FBXO36: variants seen among roughly 807,000 people sequenced by gnomAD.
FBXO36 encodes the protein F-box only protein 36.
Under a neutral mutation model 17.0 loss-of-function variants are expected in FBXO36, and 18 were observed. The observed-to-expected ratio is 1.06, with a 90% CI of 0.73 to 1.57. The LOEUF is 1.57. FBXO36 is among the 40% of genes most tolerant of loss of function. The probability of loss-of-function intolerance (pLI) is 0.00; values close to 1 mark genes in which losing one functional copy is unlikely to be tolerated. For missense variants in FBXO36, 229 were observed against 221.9 expected (o/e 1.03, Z -0.20); for synonymous variants, 83 against 85.3 (o/e 0.97, Z 0.15).
rs570378222 is a variant in FBXO36 at position 229,952,004 on chromosome 2, G to T, written c.97-24237G>T. Among the ~76,000 whole-genome samples, 103 of 152,128 alleles carry T rather than the reference G, an allele frequency of 6.8e-4. 1 individual carries two copies. The highest frequency in any genetic ancestry group is 2.4e-3 in the African/African-American group (98 of 41,518). On this transcript the variant is annotated intron_variant, in intron 1 of 3. Coordinates refer to ENST00000283946, the MANE Select transcript of FBXO36 (RefSeq NM_174899.5). ...TATAACTTGGTGAAAAAAAAATTTT[G>T]CATGAAATGTTTTATTTAAACTTTT...
At chr2:229,968,260 C>T (rs1199755946) in intron 1 of FBXO36, among the ~76,000 whole-genome samples, 2 of 151,984 alleles carry the variant, frequency 1.3e-5, no homozygotes, top group Non-Finnish European at 2.9e-5. Context: ...ACTTTCAACA[C>T]ACAACTTACA....
At chr2:229,951,466 ACTC>A (rs756352824) in intron 1 of FBXO36, among the ~76,000 whole-genome samples, 100 of 142,340 alleles carry the variant, frequency 7.0e-4, no homozygotes, top group Non-Finnish European at 1.3e-3. Context: ...CTGGTCTTGA[ACTC>A]CTCATCTCAG....
chr2:229,976,127 G>T, intron 1 of FBXO36, 114 bp from the exon 2 acceptor site: 1 of 655,014 alleles, frequency 1.5e-6, no homozygotes. Context: ...AGACTGCAAA[G>T]TTATAGCTAA....
In FBXO36 at chr2:230,010,718, G is replaced by A. The variant is rs772081678; in HGVS notation, c.401G>A (p.Trp134Ter). 2.4e-5 allele frequency: 39 copies of A among 1,612,314 alleles called. No homozygotes were observed. The highest frequency in any genetic ancestry group is 8.3e-5 in the Admixed American group (5 of 59,902). Residue 134 changes from tryptophan to a stop codon, truncating the protein, a stop_gained, in exon 4 of 4, where the codon TGG becomes TAG. Transcript: ENST00000283946. LOFTEE classifies it low-confidence loss of function (END_TRUNC). ...FAKLCMSDKL[W>*]EQIVQSTCDT... ...CAGCTGTGCATGTCTGATAAACTGT[G>A]GGAACAGATAGTCCAGTCGACCTGC...
chr2:229,996,005 G>A (rs1455033306), intron 2 of FBXO36, among the ~76,000 whole-genome samples: 2 of 151,900 alleles, frequency 1.3e-5, no homozygotes, highest in South Asian at 4.1e-4. Context: ...GCTGGGTGTG[G>A]TGTCTCATGC....
chr2:229,922,722 A>G, intron 1 of FBXO36, 113 bp downstream of exon 1: 1 of 1,084,282 alleles, frequency 9.2e-7, no homozygotes, highest in Non-Finnish European at 1.3e-6. Flanking sequence ...GGAAGCGCCC[A>G]GTCCCGGCTC....
chr2:229,924,574 GTATTT>G (rs1324449700), intron 1 of FBXO36, among the ~76,000 whole-genome samples: 1 of 152,038 alleles, frequency 6.6e-6, no homozygotes, highest in African/African-American at 2.4e-5. Context: ...TGAAGGTCTG[GTATTT>G]TACAAGTATG....
At chr2:229,929,087 C>G (rs2076926283) in intron 1 of FBXO36, among the ~76,000 whole-genome samples, 1 of 151,648 alleles carries the variant, frequency 6.6e-6, no homozygotes, top group Non-Finnish European at 1.5e-5. Context: ...GCATGTACCA[C>G]CCCGCCCGGC....
intron 1 of FBXO36, chr2:229,939,305 T>G: frequency 1.0e-6 from 1 of 976,662 alleles, no homozygotes; most frequent in South Asian, 4.7e-5. Flanking sequence ...TTTCTTGCCC[T>G]ATTTTACATT....
chr2:229,987,826 G>T (rs939534970), intron 2 of FBXO36, among the ~76,000 whole-genome samples: 2 of 151,930 alleles, frequency 1.3e-5, no homozygotes, highest in Non-Finnish European at 2.9e-5. Flanking sequence ...TCACTATGGT[G>T]CGCAGGCTGG....
intron 1 of FBXO36, among the ~76,000 whole-genome samples, chr2:229,963,444 CT>C (rs757351541): frequency 0.023 from 2,932 of 129,176 alleles, 47 homozygotes; most frequent in African/African-American, 0.057. Context: ...TTTCTTTTTT[CT>C]TTTTTTTTTT....
At chr2:230,010,615 A>C (rs1577369139) in intron 3 of FBXO36, 81 bp from the exon 4 acceptor site, 1 of 1,295,914 alleles carries the variant, frequency 7.7e-7, no homozygotes, top group Non-Finnish European at 1.1e-6. Flanking sequence ...GTGTTTCTCC[A>C]GTGTCCCACA....
chr2:229,985,328 A>C (rs1037899819), intron 2 of FBXO36, among the ~76,000 whole-genome samples: 1 of 152,166 alleles, frequency 6.6e-6, no homozygotes, highest in Admixed American at 6.6e-5. Flanking sequence ...CTGCTGTGTT[A>C]ATTATACTCC....
At chr2:229,971,991 C>CT (rs918029152) in intron 1 of FBXO36, among the ~76,000 whole-genome samples, 2,770 of 104,040 alleles carry the variant, frequency 0.027, 129 homozygotes, top group African/African-American at 0.069. Flanking sequence ...GTATCCAATT[C>CT]TTTTTTTTTT....
At chr2:229,983,555 C>T (rs1477239692) in intron 2 of FBXO36, among the ~76,000 whole-genome samples, 1 of 152,162 alleles carries the variant, frequency 6.6e-6, no homozygotes, top group Non-Finnish European at 1.5e-5. Context: ...ATCCTACCTG[C>T]CTTGGCATCC....
rs1013451624 is a variant in FBXO36 at position 229,976,223 on chromosome 2, C to T, written c.97-18C>T. On this transcript the variant is annotated intron_variant, in intron 1 of 3. Coordinates refer to ENST00000283946, the MANE Select transcript of FBXO36 (RefSeq NM_174899.5). ...TTGAAATCAATTTTAATTCATATCACTTTGTATTTAATTATAGGTAATCTT... is the reference window on the plus strand; with the variant it reads ...TTGAAATCAATTTTAATTCATATCATTTTGTATTTAATTATAGGTAATCTT... The T allele has an allele frequency of 1.9e-6, 3 of 1,554,816 alleles. No individual in the cohort carries two copies. The highest frequency in any genetic ancestry group is 2.6e-6 in the Non-Finnish European group (3 of 1,144,258).
intron 1 of FBXO36, among the ~76,000 whole-genome samples, chr2:229,963,676 C>T (rs1490136635): frequency 6.6e-6 from 1 of 151,940 alleles, no homozygotes; most frequent in Non-Finnish European, 1.5e-5. Flanking sequence ...GATCTCCTGA[C>T]CTTGTGATCT....
In FBXO36 at chr2:229,989,999, T is replaced by C. The variant is rs1009446606; in HGVS notation, c.206-6752T>C. Among the ~76,000 whole-genome samples the C allele has an allele frequency of 4.6e-5, 7 of 152,020 alleles. No individual in the cohort carries two copies. In the East Asian group the frequency reaches 9.7e-4, roughly 21 times the overall value. The stretch of plus-strand genomic sequence containing the variant: ...CATTAGAGGTTATATACCATCATGA[T>C]TGGAGGGTGCATTGTAGAGCAAACT... On this transcript the variant is annotated intron_variant, in intron 2 of 3. Transcript: ENST00000283946.
intron 1 of FBXO36, among the ~76,000 whole-genome samples, chr2:229,950,965 G>A (rs112263477): frequency 0.043 from 6,499 of 151,934 alleles, 471 homozygotes; most frequent in African/African-American, 0.15. Context: ...ACGGAGTCTC[G>A]CACTGTTGCC....
Sources: allele counts gnomAD v4.1 joint callset (sites outside exome capture counted in the v4.1 genomes callset), GRCh38; gene constraint gnomAD v4.1.1; transcripts MANE v1.5; gene names NCBI Gene and HGNC (gene_info 2026-07-23, HGNC 2026-07-21).